SAMMSON: variants seen among roughly 807,000 people sequenced by gnomAD.
SAMMSON encodes survival associated mitochondrial melanoma specific oncogenic non-coding RNA.
intron 7 of SAMMSON, among the ~76,000 whole-genome samples, chr3:70,322,540 G>C (rs1432965862): frequency 6.6e-6 from 1 of 152,016 alleles, no homozygotes; most frequent in East Asian, 1.9e-4. Context: ...TGTAACCCAG[G>C]AGGGAAAGAA....
At chr3:70,260,797 C>A (rs1701859109) in intron 6 of SAMMSON, among the ~76,000 whole-genome samples, 1 of 152,032 alleles carries the variant, frequency 6.6e-6, no homozygotes, top group Admixed American at 6.6e-5. Context: ...GTACTATTGT[C>A]CCTCTTGGTG....
At chr3:70,054,461 G>A (rs1286945376) in intron 3 of SAMMSON, among the ~76,000 whole-genome samples, 2 of 152,084 alleles carry the variant, frequency 1.3e-5, no homozygotes, top group Non-Finnish European at 2.9e-5. Flanking sequence ...CTTGGATCCT[G>A]TGTCTGTTGA....
chr3:70,126,241 CA>C, intron 4 of SAMMSON: 2 of 999,222 alleles, frequency 2.0e-6, no homozygotes, highest in Non-Finnish European at 3.0e-6. Context: ...TCGTCTTCAA[CA>C]GGGTCATCAG....
intron 6 of SAMMSON, among the ~76,000 whole-genome samples, chr3:70,270,852 G>A (rs935639263): frequency 6.6e-6 from 1 of 152,054 alleles, no homozygotes; most frequent in African/African-American, 2.4e-5. Flanking sequence ...CATGGACACA[G>A]GGAGGGGAAC....
chr3:70,410,026 T>C (rs2106768063), intron 2 of SAMMSON, among the ~76,000 whole-genome samples: 1 of 152,032 alleles, frequency 6.6e-6, no homozygotes, highest in East Asian at 1.9e-4. Flanking sequence ...TGCCATGAGA[T>C]AGAGTTATTT....
intron 4 of SAMMSON, among the ~76,000 whole-genome samples, chr3:70,174,077 G>C (rs1700985347): frequency 9.4e-6 from 1 of 106,342 alleles, no homozygotes. Flanking sequence ...TTCTTTTTAT[G>C]AGGCATCTTG....
At chr3:70,163,866 A>T (rs1405903052) in intron 4 of SAMMSON, among the ~76,000 whole-genome samples, 1 of 152,072 alleles carries the variant, frequency 6.6e-6, no homozygotes, top group Non-Finnish European at 1.5e-5. Context: ...TAGCTACCAA[A>T]CACTAGGTTT....
intron 3 of SAMMSON, among the ~76,000 whole-genome samples, chr3:70,037,626 T>C (rs2067091264): frequency 6.6e-6 from 1 of 152,188 alleles, no homozygotes; most frequent in South Asian, 2.1e-4. Context: ...GCCTTTCTTT[T>C]CCATCTCTTA....
chr3:70,191,541 T>A (rs745683693), intron 4 of SAMMSON, among the ~76,000 whole-genome samples: 1 of 152,222 alleles, frequency 6.6e-6, no homozygotes, highest in African/African-American at 2.4e-5. Context: ...AAGGATTAAA[T>A]TGCAATACAT....
chr3:70,130,767 G>A (rs1040783476), intron 4 of SAMMSON, among the ~76,000 whole-genome samples: 7 of 152,120 alleles, frequency 4.6e-5, no homozygotes, highest in African/African-American at 1.7e-4. Flanking sequence ...AACCATGTGA[G>A]TGAATGAACT....
chr3:70,270,008 G>A (rs1701958653), intron 6 of SAMMSON, among the ~76,000 whole-genome samples: 1 of 152,084 alleles, frequency 6.6e-6, no homozygotes, highest in Admixed American at 6.6e-5. Flanking sequence ...ACAAACAACT[G>A]GACAAGAGTA....
chr3:70,292,114 A>G (rs1329249134), intron 7 of SAMMSON: 1 of 152,134 alleles, frequency 6.6e-6, no homozygotes, highest in Non-Finnish European at 1.5e-5. Context: ...CTCCTGTTGT[A>G]CTGGTAGCTC....
intron 7 of SAMMSON, among the ~76,000 whole-genome samples, chr3:70,315,642 A>C (rs753357886): frequency 6.6e-6 from 1 of 152,128 alleles, no homozygotes; most frequent in African/African-American, 2.4e-5. Flanking sequence ...GGGCCCCCCA[A>C]AATTGTCATC....
intron 7 of SAMMSON, among the ~76,000 whole-genome samples, chr3:70,318,481 A>AGT (rs1702511432): frequency 9.4e-6 from 1 of 106,838 alleles, no homozygotes; most frequent in Non-Finnish European, 2.1e-5. Flanking sequence ...TGTGTGTGTG[A>AGT]GTGTGTGTGT....
chr3:70,196,768 T>C (rs1314285160), intron 4 of SAMMSON: 6 of 395,514 alleles, frequency 1.5e-5, no homozygotes, highest in Non-Finnish European at 2.2e-5. Context: ...ATTGAGTTGA[T>C]AATACTAGCT....
At chr3:70,016,351 A>G (rs1469049331) in intron 3 of SAMMSON, among the ~76,000 whole-genome samples, 1 of 152,180 alleles carries the variant, frequency 6.6e-6, no homozygotes, top group Non-Finnish European at 1.5e-5. Context: ...TGTTGTCTGT[A>G]TAAATGTCTT....
chr3:70,339,314 A>G (rs996894987), intron 7 of SAMMSON, among the ~76,000 whole-genome samples: 8 of 152,236 alleles, frequency 5.3e-5, no homozygotes, highest in African/African-American at 1.7e-4. Flanking sequence ...AAGAAAACCT[A>G]GACAGTACCA....
At chr3:70,125,014 G>C (rs2106669692) in intron 4 of SAMMSON, 3 of 686,236 alleles carry the variant, frequency 4.4e-6, no homozygotes, top group Non-Finnish European at 7.9e-6. Context: ...TCCTGTCCAA[G>C]TTGGAAAGCC....
intron 9 of SAMMSON, among the ~76,000 whole-genome samples, chr3:70,370,606 C>A (rs956410900): frequency 3.9e-5 from 6 of 152,008 alleles, no homozygotes; most frequent in Non-Finnish European, 8.8e-5. Flanking sequence ...TGTATATCTT[C>A]TTTTGAGAAA....
Sources: gnomAD v4.1 joint callset for allele counts (sites outside exome capture counted in the v4.1 genomes callset) on GRCh38, gnomAD v4.1.1 for gene constraint, MANE v1.5 for transcripts, NCBI Gene and HGNC (gene_info 2026-07-23, HGNC 2026-07-21) for gene names.